Variants in PXYLP1 observed in about 807,000 individuals in gnomAD.
The protein encoded by PXYLP1 is 2-phosphoxylose phosphatase 1, also known as acid phosphatase-like 2.
In PXYLP1, 17 loss-of-function variants were observed where a neutral mutation model predicts 37.9. The ratio of observed to expected loss-of-function variants is 0.45; its 90% CI spans 0.31 to 0.67. The LOEUF is 0.67. Among genes scored for constraint, PXYLP1 ranks in the 30% least tolerant of loss-of-function variants. The pLI is 0.07. For synonymous variants in PXYLP1, 221 were observed against 232.2 expected (o/e 0.95, Z 0.44); for missense variants, 511 against 612.0 (o/e 0.84, Z 1.74).
At chr3:141,268,417 G>A (rs952024627) in intron 2 of PXYLP1, among the ~76,000 whole-genome samples, 3 of 152,284 alleles carry the variant, frequency 2.0e-5, no homozygotes, top group Middle Eastern at 3.4e-3. Context: ...GGGAGAGCGC[G>A]AGGCCAGCTG....
intron 1 of PXYLP1, among the ~76,000 whole-genome samples, chr3:141,243,669 C>T (rs995847092): frequency 3.9e-5 from 6 of 152,324 alleles, no homozygotes; most frequent in South Asian, 4.1e-4. Context: ...TCTGTCTGTA[C>T]GGTGCATTTC....
At chr3:141,265,242 A>T (rs1941479428) in intron 2 of PXYLP1, among the ~76,000 whole-genome samples, 1 of 151,910 alleles carries the variant, frequency 6.6e-6, no homozygotes, top group African/African-American at 2.4e-5. Context: ...ACACCATCAG[A>T]TTTGTGTCTT....
In PXYLP1 at chr3:141,248,691, ATATACACACACGTGTATATATACACACG is replaced by A. The variant is rs1941049841; in HGVS notation, c.-53-11427_-53-11400del. On this transcript the variant is annotated intron_variant, in intron 1 of 5. Coordinates refer to ENST00000286353, the MANE Select transcript of PXYLP1 (RefSeq NM_001037172.3). The stretch of plus-strand genomic sequence containing the variant: ...CACACACGTGTATATATACACACGT[ATATACACACACGTGTATATATACACACG>A]TATATACACACACGTGTATATATAC... 1.7e-3 allele frequency among the ~76,000 whole-genome samples: 52 copies of A among 29,838 alleles called. 10 individuals are homozygous for A. The highest frequency in any genetic ancestry group is 0.016 in the South Asian group (8 of 498). The allele number at this position is 29,838 out of a possible 152,430, so 19.6% of individuals were successfully genotyped here.
chr3:141,283,667 T>C (rs192155121), intron 4 of PXYLP1, among the ~76,000 whole-genome samples: 1 of 152,164 alleles, frequency 6.6e-6, no homozygotes, highest in Admixed American at 6.5e-5. Flanking sequence ...ATTCTTTAAT[T>C]GGCATGAACT....
At chr3:141,285,691 T>G (rs1942059983) in intron 4 of PXYLP1, among the ~76,000 whole-genome samples, 1 of 152,194 alleles carries the variant, frequency 6.6e-6, no homozygotes, top group Non-Finnish European at 1.5e-5. Context: ...AGCTCCAACC[T>G]GAAATAATGG....
rs1470117996 is a variant in PXYLP1, at chr3:141,274,550, C to T, written c.80-3792C>T. 9 of 1,179,288 alleles carry T rather than the reference C, an allele frequency of 7.6e-6. 1 individual carries two copies. The South Asian group carries it at 7.8e-5, about 10-fold the overall frequency. The allele number at this position is 1,179,288 out of a possible 1,614,324, so 73.1% of individuals were successfully genotyped here. A position where few individuals can be genotyped will look rare whatever the true frequency, so the allele number is the denominator to read the frequency against. On this transcript the variant is annotated intron_variant, in intron 2 of 5. Coordinates refer to ENST00000286353, the MANE Select transcript of PXYLP1 (RefSeq NM_001037172.3). ...CACCCCAGACTGGTTCGGCAACCCT[C>T]AGTGCTCCACATGAGGAGTCAATGA...
intron 1 of PXYLP1, among the ~76,000 whole-genome samples, chr3:141,242,583 G>A (rs1482747167): frequency 6.6e-6 from 1 of 152,186 alleles, no homozygotes; most frequent in African/African-American, 2.4e-5. Flanking sequence ...CAGTGCTGGG[G>A]GGTGGGGTAC....
intron 2 of PXYLP1, among the ~76,000 whole-genome samples, chr3:141,276,001 A>G (rs1278576948): frequency 1.3e-5 from 2 of 152,204 alleles, no homozygotes; most frequent in Non-Finnish European, 2.9e-5. Flanking sequence ...CTAAGTCGAG[A>G]TATGTTTAGA....
rs1413680539 is a variant in PXYLP1, at chr3:141,287,340, C to G, written c.392C>G (p.Ala131Gly). 6 of 1,614,072 alleles carry G rather than the reference C, an allele frequency of 3.7e-6. No individual in the cohort carries two copies. In the African/African-American group the frequency reaches 4.0e-5, roughly 11 times the overall value. ...NRKPYHPKLE[A>G]FISHMSKGSG... ...AAACCGTATCACCCAAAACTGGAAG[C>G]TTTCATTAGTCACATGTCAAAAGGA... The change falls in exon 5 of 6, where the codon GCT becomes GGT. Residue 131 changes from alanine (A) to glycine (G), a missense_variant. Coordinates refer to ENST00000286353, the MANE Select transcript of PXYLP1 (RefSeq NM_001037172.3).
rs114102087 is a variant in PXYLP1 at position 141,240,655 on chromosome 3, C to G, written c.-54+8744C>G. 6.7e-3 allele frequency among the ~76,000 whole-genome samples: 1,023 copies of G among 152,130 alleles called. 13 individuals carry two copies. Among genetic ancestry groups the G allele is most frequent in the African/African-American group, 0.023 (939 of 41,498 alleles). ...GCAGTCTCTGCTACACTGTCTGCCC[C>G]CTCCTCCCCCCAAAAATCAGGATTC... On this transcript the variant is annotated intron_variant, in intron 1 of 5. Transcript: ENST00000286353.
At chr3:141,270,151 T>A (rs939113602) in intron 2 of PXYLP1, among the ~76,000 whole-genome samples, 1 of 152,260 alleles carries the variant, frequency 6.6e-6, no homozygotes, top group Non-Finnish European at 1.5e-5. Flanking sequence ...AAGCACTTAA[T>A]AAATTCTTAC....
In PXYLP1 at chr3:141,287,320, G is replaced by T. The variant is rs34601454; in HGVS notation, c.372G>T (p.Pro124=). The change falls in exon 5 of 6, where the codon CCG becomes CCT. Residue 124 remains proline, a synonymous_variant. Coordinates refer to ENST00000286353, the MANE Select transcript of PXYLP1 (RefSeq NM_001037172.3). The part of the protein sequence containing the change: ...IDCTLVANRK[P]YHPKLEAFIS... ...CTCTCTATCATCTCTCTAGGAAACCGTATCACCCAAAACTGGAAGCTTTCA... is the reference window on the plus strand; with the variant it reads ...CTCTCTATCATCTCTCTAGGAAACCTTATCACCCAAAACTGGAAGCTTTCA... The T allele has an allele frequency of 6.2e-7, 1 of 1,613,958 alleles. No homozygotes were observed. The highest frequency in any genetic ancestry group is 1.1e-5 in the South Asian group (1 of 91,066).
chr3:141,268,582 C>A (rs984343742), intron 2 of PXYLP1, among the ~76,000 whole-genome samples: 4 of 152,182 alleles, frequency 2.6e-5, no homozygotes, highest in Non-Finnish European at 5.9e-5. Flanking sequence ...TGATCAGAGG[C>A]AGAGCCCTGT....
At position 141,292,825 on chromosome 3, in the gene PXYLP1, C is replaced by A. The variant is rs1395059022; in HGVS notation, c.1063C>A (p.Gln355Lys). Residue 355 changes from glutamine to lysine, a missense_variant, in exon 6 of 6, where the codon CAA becomes AAA. Coordinates refer to ENST00000286353, the MANE Select transcript of PXYLP1 (RefSeq NM_001037172.3). This position sits in a 1 kb window ranked among gnomAD's most constrained non-coding sequence, Gnocchi z 4.3. ...CCTGGGTGCCCACCCCATCCTGAAC[C>A]AAACCATCGGCCGGATGCAGCGTGC... Reference protein sequence around the residue: ...SLLGAHPILNQTIGRMQRATE... With the variant: ...SLLGAHPILNKTIGRMQRATE... 6.2e-7 allele frequency: 1 copy of A among 1,613,836 alleles called. No homozygotes were observed. The highest frequency in any genetic ancestry group is 8.5e-7 in the Non-Finnish European group (1 of 1,179,922).
chr3:141,245,766 C>A (rs367811100), intron 1 of PXYLP1, among the ~76,000 whole-genome samples: 2 of 152,160 alleles, frequency 1.3e-5, no homozygotes, highest in Non-Finnish European at 2.9e-5. Context: ...AGGTATTTGG[C>A]GGAGAGGTCC....
In PXYLP1 at chr3:141,293,519, C is replaced by T. The variant is rs1452247079; in HGVS notation, c.*314C>T. On this transcript the variant is annotated 3_prime_UTR_variant, in exon 6 of 6. Coordinates refer to ENST00000286353, the MANE Select transcript of PXYLP1 (RefSeq NM_001037172.3). ...CAATCCAAGTTTGCACTCTTCTGGCCTGCCCCATGTTACTATGTGATGGAA... is the reference window on the plus strand; with the variant it reads ...CAATCCAAGTTTGCACTCTTCTGGCTTGCCCCATGTTACTATGTGATGGAA... 3 of 290,032 alleles carry T rather than the reference C, an allele frequency of 1.0e-5. No homozygotes were observed. The highest frequency in any genetic ancestry group is 6.5e-5 in the African/African-American group (3 of 46,356). 18.0% of individuals were successfully genotyped at this position (290,032 alleles called of 1,614,324 possible). A position where few individuals can be genotyped will look rare whatever the true frequency, so the allele number is the denominator to read the frequency against.
chr3:141,273,626 G>A, intron 2 of PXYLP1: 3 of 985,364 alleles, frequency 3.0e-6, no homozygotes, highest in Non-Finnish European at 3.6e-6. Context: ...TGCTTTAGAG[G>A]TCATGTTCTC....
At chr3:141,290,389 T>G (rs986654040) in intron 5 of PXYLP1, among the ~76,000 whole-genome samples, 3 of 152,094 alleles carry the variant, frequency 2.0e-5, no homozygotes, top group Non-Finnish European at 4.4e-5. Context: ...TTTGATGAGG[T>G]AGCATGTGTA....
At chr3:141,261,350 G>A (rs1576588290) in intron 2 of PXYLP1, among the ~76,000 whole-genome samples, 1 of 152,096 alleles carries the variant, frequency 6.6e-6, no homozygotes, top group African/African-American at 2.4e-5. Flanking sequence ...GACAGGGCAG[G>A]GTTTCACCAT....
Sources: gnomAD v4.1 joint callset for allele counts (sites outside exome capture counted in the v4.1 genomes callset) on GRCh38, gnomAD v4.1.1 for gene constraint, Gnocchi (gnomAD v3.1) non-coding constraint, MANE v1.5 for transcripts, NCBI Gene and HGNC (gene_info 2026-07-23, HGNC 2026-07-21) for gene names.